The following BMP7 variants were observed in gnomAD, a reference collection of about 807,000 sequenced individuals.
The protein encoded by BMP7 is osteogenic protein 1.
A neutral mutation model predicts 41.2 loss-of-function variants in BMP7; 12 were observed. The observed-to-expected ratio is 0.29, with a 90% CI of 0.19 to 0.47. BMP7 has a LOEUF of 0.47. Ranked by LOEUF, BMP7 falls within the 20% of genes least tolerant of loss-of-function variation. The pLI, the probability that BMP7 is intolerant of heterozygous loss-of-function variation, is 0.99. For synonymous variants in BMP7, 248 were observed against 250.0 expected, an observed-to-expected ratio of 0.99 and a Z score of 0.07; for missense variants, 467 against 606.0, an observed-to-expected ratio of 0.77 and a Z score of 2.41.
intron 1 of BMP7, among the ~76,000 whole-genome samples, chr20:57,260,209 A>G (rs1049424973): frequency 2.6e-5 from 4 of 152,194 alleles, no homozygotes; most frequent in African/African-American, 7.2e-5. Context: ...CCACTTCGCA[A>G]TTTTGTAAGA....
At chr20:57,237,234 T>TA (rs1204425293) in intron 1 of BMP7, among the ~76,000 whole-genome samples, 1 of 152,186 alleles carries the variant, frequency 6.6e-6, no homozygotes, top group Non-Finnish European at 1.5e-5. Flanking sequence ...CTCAAGGGGC[T>TA]AAAAGAACTA....
At chr20:57,206,784 A>C (rs1984743311) in intron 2 of BMP7, among the ~76,000 whole-genome samples, 1 of 152,326 alleles carries the variant, frequency 6.6e-6, no homozygotes, top group East Asian at 1.9e-4. Context: ...TACTTATTAC[A>C]AGGTATGTCA....
chr20:57,209,109 C>A (rs1285177330), intron 2 of BMP7, among the ~76,000 whole-genome samples: 2 of 151,778 alleles, frequency 1.3e-5, no homozygotes, highest in Non-Finnish European at 2.9e-5. Flanking sequence ...ACCCTGAGGT[C>A]GGGAGTTCGA....
At chr20:57,245,514 G>A (rs2066086743) in intron 1 of BMP7, among the ~76,000 whole-genome samples, 1 of 151,796 alleles carries the variant, frequency 6.6e-6, no homozygotes, top group Non-Finnish European at 1.5e-5. Flanking sequence ...ACGGGGCCCA[G>A]AGAATGGTTT....
At chr20:57,196,183 T>A (rs916628983) in intron 3 of BMP7, among the ~76,000 whole-genome samples, 1 of 152,192 alleles carries the variant, frequency 6.6e-6, no homozygotes, top group African/African-American at 2.4e-5. Context: ...TGCTTCCATG[T>A]CTGCAAGGAC....
chr20:57,193,424 A>G (rs1477460461), intron 3 of BMP7, among the ~76,000 whole-genome samples: 1 of 152,120 alleles, frequency 6.6e-6, no homozygotes, highest in Non-Finnish European at 1.5e-5. Context: ...ACTGAGAACT[A>G]CCCAGTAGTG....
chr20:57,246,280 G>T (rs1300934633), intron 1 of BMP7, among the ~76,000 whole-genome samples: 1 of 152,160 alleles, frequency 6.6e-6, no homozygotes, highest in Non-Finnish European at 1.5e-5. Flanking sequence ...ATACTAAGAG[G>T]CACAATCAAT....
chr20:57,191,527 G>A lies in BMP7; in HGVS notation c.761-7608C>T, dbSNP rs550348829. On this transcript the variant is annotated intron_variant, in intron 3 of 6. Transcript: ENST00000395863. ...AGCCTGGCCAACATGGAGAAACCCC[G>A]TGTTGTAGAGACTAAAAACCCCGTG... 1.1e-3 allele frequency among the ~76,000 whole-genome samples: 170 copies of A among 152,000 alleles called. 2 individuals are homozygous for A. The Middle Eastern group carries it at 0.014, about 12-fold the overall frequency.
chr20:57,219,099 GT>G (rs1985118721), intron 2 of BMP7, among the ~76,000 whole-genome samples: 1 of 125,500 alleles, frequency 8.0e-6, no homozygotes, highest in Non-Finnish European at 1.5e-5. Flanking sequence ...GGTAGCTGGT[GT>G]TTGGTGGTAG....
intron 1 of BMP7, among the ~76,000 whole-genome samples, chr20:57,230,711 C>T (rs189385466): frequency 1.3e-5 from 2 of 149,878 alleles, no homozygotes; most frequent in East Asian, 2.0e-4. Context: ...GAGTCTCGCT[C>T]TGTCACCCAG....
chr20:57,210,798 T>C (rs1365289859), intron 2 of BMP7, among the ~76,000 whole-genome samples: 1 of 152,210 alleles, frequency 6.6e-6, no homozygotes, highest in Non-Finnish European at 1.5e-5. Flanking sequence ...GGCCCAGCCA[T>C]CCAGGGTCTT....
At chr20:57,192,220 C>A (rs1984380235) in intron 3 of BMP7, among the ~76,000 whole-genome samples, 3 of 119,106 alleles carry the variant, frequency 2.5e-5, no homozygotes, top group African/African-American at 6.5e-5. Flanking sequence ...ATATTATATA[C>A]TATTATATTA....
At chr20:57,234,327 T>C (rs1429742282) in intron 1 of BMP7, among the ~76,000 whole-genome samples, 2 of 152,232 alleles carry the variant, frequency 1.3e-5, no homozygotes, top group Non-Finnish European at 2.9e-5. Context: ...TGTAATCCAG[T>C]GCTCTGGGAA....
intron 1 of BMP7, among the ~76,000 whole-genome samples, chr20:57,252,135 G>A (rs1039837506): frequency 3.5e-5 from 5 of 144,712 alleles, no homozygotes; most frequent in African/African-American, 1.5e-4. Context: ...CAGAGTGAAT[G>A]CGTAAGTGGA....
intron 2 of BMP7, among the ~76,000 whole-genome samples, chr20:57,208,837 C>T (rs1045917841): frequency 6.6e-6 from 1 of 152,252 alleles, no homozygotes; most frequent in Middle Eastern, 3.4e-3. Context: ...TAAAAGATTG[C>T]ATAGTATATG....
intron 1 of BMP7, among the ~76,000 whole-genome samples, chr20:57,255,905 A>G (rs1200345071): frequency 6.6e-6 from 1 of 152,008 alleles, no homozygotes; most frequent in African/African-American, 2.4e-5. Context: ...TTTCATGGCG[A>G]AGTGATAACC....
chr20:57,219,037 G>A (rs1985115959), intron 2 of BMP7, among the ~76,000 whole-genome samples: 1 of 149,780 alleles, frequency 6.7e-6, no homozygotes, highest in African/African-American at 2.5e-5. Context: ...GGTGGTAGCT[G>A]GCGTTCGGTG....
chr20:57,229,595 ACT>A (rs2123118528), intron 1 of BMP7, among the ~76,000 whole-genome samples: 1 of 152,284 alleles, frequency 6.6e-6, no homozygotes, highest in Non-Finnish European at 1.5e-5. Flanking sequence ...GAATGACCAC[ACT>A]CAGGCCAGTG....
At chr20:57,236,125 A>T (rs956792313) in intron 1 of BMP7, among the ~76,000 whole-genome samples, 1 of 152,224 alleles carries the variant, frequency 6.6e-6, no homozygotes, top group Non-Finnish European at 1.5e-5. Context: ...TGACTGGCTC[A>T]AGAGAAAAGA....
Sources: gnomAD v4.1 joint callset for allele counts (sites outside exome capture counted in the v4.1 genomes callset) on GRCh38, gnomAD v4.1.1 for gene constraint, MANE v1.5 for transcripts, NCBI Gene and HGNC (gene_info 2026-07-23, HGNC 2026-07-21) for gene names.